The following GDF6 variants were observed in gnomAD, a reference collection of about 807,000 sequenced individuals.
GDF6 encodes the protein growth differentiation factor 6.
In GDF6, 3 loss-of-function variants were observed where a neutral mutation model predicts 32.4. That is an observed-to-expected ratio of 0.09 (90% CI 0.04 to 0.24). The LOEUF is 0.24. Among genes scored for constraint, GDF6 ranks in the 10% least tolerant of loss-of-function variants. The pLI is 1.00. For missense variants in GDF6, 589 were observed against 637.9 expected (o/e 0.92, Z 0.83); for synonymous variants, 296 against 295.3 (o/e 1.00, Z -0.03).
Position 96,158,600 on chromosome 8 carries a change from T to C in GDF6, c.406+1687A>G, listed in dbSNP as rs539815878. Among the ~76,000 whole-genome samples the C allele has an allele frequency of 3.9e-5, 6 of 152,292 alleles. No individual in the cohort carries two copies. The South Asian group carries it at 1.2e-3, about 32-fold the overall frequency. ...GCCAGCCTAGGCCTCTGGGACTTCTTCTCTTGAGGAAGGGCCTCTTGAGCA... is the reference window on the plus strand; with the variant it reads ...GCCAGCCTAGGCCTCTGGGACTTCTCCTCTTGAGGAAGGGCCTCTTGAGCA... On this transcript the variant is annotated intron_variant, in intron 1 of 1. Transcript: ENST00000287020.
Position 96,160,335 on chromosome 8 carries a change from A to T in GDF6, c.358T>A (p.Ser120Thr). 6.2e-7 allele frequency: 1 copy of T among 1,614,222 alleles called. No individual in the cohort carries two copies. Among genetic ancestry groups the T allele is most frequent in the Non-Finnish European group, 8.5e-7 (1 of 1,180,036 alleles). ...GTGATCGTATTAGCCGACTTGGAAG[A>T]CTGGAAAAAGCTGGCATTGATGCCC... ...KLGINASFFQ[S>T]SKSANTITSF... Residue 120 changes from serine (S) to threonine (T), a missense_variant, in exon 1 of 2, where the codon TCT becomes ACT. Physicochemically the swap from Ser to Thr is moderately conservative, Grantham distance 58. This residue lies in a region of GDF6 where 436 missense variants were observed against 411.2 expected (regional missense o/e 1.06). Coordinates refer to ENST00000287020, the MANE Select transcript of GDF6 (RefSeq NM_001001557.4).
intron 1 of GDF6, among the ~76,000 whole-genome samples, chr8:96,159,257 G>A (rs898281430): frequency 6.6e-6 from 1 of 151,472 alleles, no homozygotes; most frequent in South Asian, 2.1e-4. Flanking sequence ...TTCCTTTCCT[G>A]TCTCCTTCCA....
At chr8:96,149,123 C>A (rs1455364513) in intron 1 of GDF6, among the ~76,000 whole-genome samples, 1 of 152,162 alleles carries the variant, frequency 6.6e-6, no homozygotes, top group African/African-American at 2.4e-5. Context: ...CCCATTAAGT[C>A]TTGTATAAAT....
At chr8:96,155,377 T>A (rs1444779418) in intron 1 of GDF6, among the ~76,000 whole-genome samples, 1 of 152,268 alleles carries the variant, frequency 6.6e-6, no homozygotes, top group Non-Finnish European at 1.5e-5. Flanking sequence ...CTACAATAAC[T>A]GATGTTTAAC....
chr8:96,155,833 C>T (rs1272390433), intron 1 of GDF6, among the ~76,000 whole-genome samples: 3 of 152,212 alleles, frequency 2.0e-5, no homozygotes, highest in African/African-American at 7.2e-5. Context: ...TTTCGGTTTG[C>T]CAACGACAAC....
At chr8:96,155,814 A>G (rs1236041537) in intron 1 of GDF6, among the ~76,000 whole-genome samples, 4 of 152,236 alleles carry the variant, frequency 2.6e-5, no homozygotes, top group Non-Finnish European at 5.9e-5. Context: ...TTCCCTGCTT[A>G]TATTTCATTT....
chr8:96,145,473 G>A lies in GDF6; in HGVS notation c.458C>T (p.Ser153Phe). 1 of 1,597,968 alleles carries A rather than the reference G, an allele frequency of 6.3e-7. No individual in the cohort carries two copies. Among genetic ancestry groups the A allele is most frequent in the South Asian group, 1.1e-5 (1 of 91,042 alleles). Residue 153 changes from serine to phenylalanine, a missense_variant, in exon 2 of 2, where the codon TCC (serine) becomes TTC (phenylalanine). This residue lies in a region of GDF6 where 436 missense variants were observed against 411.2 expected (regional missense o/e 1.06). Transcript: ENST00000287020. The surrounding 1 kb of genome is among the most constrained non-coding windows in gnomAD (Gnocchi z 5.6). ...LRRQKYLFDV[S>F]MLSDKEELVG... is the part of the protein sequence containing the mutation. ...CAGCTCTTCTTTGTCTGAGAGCATGGACACATCAAACAAATACTTCTGTCT... is the reference window on the plus strand; with the variant it reads ...CAGCTCTTCTTTGTCTGAGAGCATGAACACATCAAACAAATACTTCTGTCT...
In GDF6 at chr8:96,144,244, TAGAGAGAGAGAGAGAGAGAG is replaced by T. The variant is rs71275339; in HGVS notation, c.*299_*318del. 23 of 234,966 alleles carry T rather than the reference TAGAGAGAGAGAGAGAGAGAG, an allele frequency of 9.8e-5. 1 individual carries two copies. Among genetic ancestry groups the T allele is most frequent in the South Asian group, 3.8e-4 (12 of 31,226 alleles). The allele number at this position is 234,966 out of a possible 1,614,324, so 14.6% of individuals were successfully genotyped here. ...ATAAGGAAATCCAAAGCCACAGTAA[TAGAGAGAGAGAGAGAGAGAG>T]AGAGAGAGAGAGAGAGAGAGAGAGA... On this transcript the variant is annotated 3_prime_UTR_variant, in exon 2 of 2. Coordinates refer to ENST00000287020, the MANE Select transcript of GDF6 (RefSeq NM_001001557.4). The surrounding 1 kb of genome is among the most constrained non-coding windows in gnomAD (Gnocchi z 5.1).
At position 96,145,751 on chromosome 8, in the gene GDF6, T is replaced by C. The variant is rs955079285; in HGVS notation, c.407-227A>G. Among the ~76,000 whole-genome samples, 5 of 151,988 alleles carry C rather than the reference T, an allele frequency of 3.3e-5. No individual in the cohort carries two copies. The highest frequency in any genetic ancestry group is 2.1e-4 in the South Asian group (1 of 4,810). On this transcript the variant is annotated intron_variant, in intron 1 of 1. Coordinates refer to ENST00000287020, the MANE Select transcript of GDF6 (RefSeq NM_001001557.4). The surrounding 1 kb of genome is among the most constrained non-coding windows in gnomAD (Gnocchi z 5.6). ...CCCCTCCTTCGCGTCAGCTCCGGAC[T>C]CTCAGGGCGGAAGTCGGTGGCTGCT...
rs141706539 is a variant in GDF6 at position 96,149,523 on chromosome 8, C to A, written c.407-3999G>T. Among the ~76,000 whole-genome samples, 139 of 152,014 alleles carry A rather than the reference C, an allele frequency of 9.1e-4. 1 individual carries two copies. Among genetic ancestry groups the A allele is most frequent in the African/African-American group, 3.2e-3 (132 of 41,436 alleles). ...GAAGATACTCCTTCATAATGGTCAACGAGTTGGTAAAAGGCTGAAAGCACC... is the reference window on the plus strand; with the variant it reads ...GAAGATACTCCTTCATAATGGTCAAAGAGTTGGTAAAAGGCTGAAAGCACC... On this transcript the variant is annotated intron_variant, in intron 1 of 1. Transcript: ENST00000287020.
chr8:96,155,205 T>C (rs1812639081), intron 1 of GDF6, among the ~76,000 whole-genome samples: 1 of 152,276 alleles, frequency 6.6e-6, no homozygotes, highest in Non-Finnish European at 1.5e-5. Context: ...GAAAACGCTA[T>C]GTCCGTCTCA....
rs1214492884 is a variant in GDF6 at position 96,145,346 on chromosome 8, T to C, written c.585A>G (p.Leu195=). ...HVQLFPCLSP[L]LLDARTLDPQ... ...GGTCCAGGGTCCGCGCGTCCAGCAG[T>C]AGGGGCGAAAGGCAAGGGAAGAGCT... The change falls in exon 2 of 2, where the codon CTA becomes CTG. Residue 195 remains leucine, a synonymous_variant. Transcript: ENST00000287020. This position sits in a 1 kb window ranked among gnomAD's most constrained non-coding sequence, Gnocchi z 5.6. 2 of 1,546,056 alleles carry C rather than the reference T, an allele frequency of 1.3e-6. No homozygotes were observed.
Position 96,145,320 on chromosome 8 carries a change from G to C in GDF6, c.611C>G (p.Pro204Arg), listed in dbSNP as rs999492360. The C allele has an allele frequency of 2.0e-6, 3 of 1,534,006 alleles. No homozygotes were observed. Among genetic ancestry groups the C allele is most frequent in the African/African-American group, 2.7e-5 (2 of 72,972 alleles). The change falls in exon 2 of 2, where the codon CCG becomes CGG. Residue 204 changes from proline to arginine, a missense_variant. Transcript: ENST00000287020. This position sits in a 1 kb window ranked among gnomAD's most constrained non-coding sequence, Gnocchi z 5.6. ...CCAGCCGGCCGGCGGCGCCCCCTGC[G>C]GGTCCAGGGTCCGCGCGTCCAGCAG... ...PLLLDARTLD[P>R]QGAPPAGWEV...
rs552124580 is a variant in GDF6 at position 96,144,680 on chromosome 8, G to A, written c.1251C>T (p.Pro417=). 103 of 1,614,182 alleles carry A rather than the reference G, an allele frequency of 6.4e-5. No homozygotes were observed. In the East Asian group the frequency reaches 2.3e-3, roughly 36 times the overall value. Reference sequence around the variant, plus strand: ...TCAATTTGGTGGGCACGCAGCAGCTGGGCGGGGTGGAGCCGGGGTCCATGG... The same window carrying A: ...TCAATTTGGTGGGCACGCAGCAGCTAGGCGGGGTGGAGCCGGGGTCCATGG... ...MNSMDPGSTP[P]SCCVPTKLTP... The change falls in exon 2 of 2, where the codon CCC becomes CCT. Residue 417 remains proline (P), a synonymous_variant. Transcript: ENST00000287020. This position sits in a 1 kb window ranked among gnomAD's most constrained non-coding sequence, Gnocchi z 5.1.
chr8:96,144,455 C>T lies in GDF6; in HGVS notation c.*108G>A, dbSNP rs1395950160. The T allele has an allele frequency of 7.2e-7, 1 of 1,383,800 alleles. No individual in the cohort carries two copies. Among genetic ancestry groups the T allele is most frequent in the Non-Finnish European group, 9.8e-7 (1 of 1,016,104 alleles). 85.7% of individuals were successfully genotyped at this position (1,383,800 alleles called of 1,614,324 possible). A position where few individuals can be genotyped will look rare whatever the true frequency, so the allele number is the denominator to read the frequency against. On this transcript the variant is annotated 3_prime_UTR_variant, in exon 2 of 2. Coordinates refer to ENST00000287020, the MANE Select transcript of GDF6 (RefSeq NM_001001557.4). This position sits in a 1 kb window ranked among gnomAD's most constrained non-coding sequence, Gnocchi z 5.1. ...ATCCAGGCTGTTCCCTCACCCTCAG[C>T]CTCCCCCAGCGCCAGCTTCCTCCTC...
At chr8:96,149,161 T>C (rs1187004229) in intron 1 of GDF6, among the ~76,000 whole-genome samples, 1 of 152,174 alleles carries the variant, frequency 6.6e-6, no homozygotes, top group Non-Finnish European at 1.5e-5. Flanking sequence ...AATGATCCTC[T>C]CTCCCACCCC....
chr8:96,144,282 GAGAGAGAGA>G lies in GDF6; in HGVS notation c.*272_*280del, dbSNP rs1157351397. 2.2e-4 allele frequency: 106 copies of G among 483,914 alleles called. 1 individual carries two copies. Among genetic ancestry groups the G allele is most frequent in the Middle Eastern group, 1.8e-3 (3 of 1,674 alleles). 30.0% of individuals were successfully genotyped at this position (483,914 alleles called of 1,614,324 possible). ...AGAGAGAGAGAGAGAGAGAGAGAGA[GAGAGAGAGA>G]AAACAGAACAAAAGAAATCCTCCTT... On this transcript the variant is annotated 3_prime_UTR_variant, in exon 2 of 2. Coordinates refer to ENST00000287020, the MANE Select transcript of GDF6 (RefSeq NM_001001557.4). The surrounding 1 kb of genome is among the most constrained non-coding windows in gnomAD (Gnocchi z 5.1).
intron 1 of GDF6, among the ~76,000 whole-genome samples, chr8:96,151,173 C>T (rs1007072424): frequency 7.9e-5 from 12 of 152,216 alleles, no homozygotes; most frequent in African/African-American, 2.9e-4. Context: ...TGACGCATTG[C>T]TAACATTCTT....
At chr8:96,159,127 G>C (rs1231765699) in intron 1 of GDF6, among the ~76,000 whole-genome samples, 1 of 152,224 alleles carries the variant, frequency 6.6e-6, no homozygotes, top group Non-Finnish European at 1.5e-5. Flanking sequence ...TTAACTGGGA[G>C]CAGGTCAAAG....
Sources: gnomAD v4.1 joint callset for allele counts (sites outside exome capture counted in the v4.1 genomes callset) on GRCh38, gnomAD v4.1.1 for gene constraint, gnomAD v4.1.1 regional missense constraint, Gnocchi (gnomAD v3.1) non-coding constraint, MANE v1.5 for transcripts, NCBI Gene and HGNC (gene_info 2026-07-23, HGNC 2026-07-21) for gene names.